Variants in SDK1 observed in about 807,000 individuals in gnomAD.
SDK1 encodes sidekick cell adhesion molecule 1, also known as protein sidekick-1.
Under a neutral mutation model 245.5 loss-of-function variants are expected in SDK1, and 157 were observed. The observed-to-expected ratio is 0.64, with a 90% CI of 0.56 to 0.73. The LOEUF is 0.73. SDK1 is among the 30% of genes least tolerant of loss of function. The probability of loss-of-function intolerance (pLI) is 0.00; values close to 1 mark genes in which losing one functional copy is unlikely to be tolerated. For missense variants in SDK1, 3,583 were observed against 3,002.3 expected, an observed-to-expected ratio of 1.19 and a Z score of -4.52; for synonymous variants, 1,647 against 1,278.5, an observed-to-expected ratio of 1.29 and a Z score of -6.15.
At position 3,613,901 on chromosome 7, in the gene SDK1, C is replaced by T. The variant is rs550455146; in HGVS notation, c.299-5179C>T. 1.6e-4 allele frequency among the ~76,000 whole-genome samples: 24 copies of T among 152,218 alleles called. No homozygotes were observed. The South Asian group carries it at 3.5e-3, about 22-fold the overall frequency. ...AAAACCAAATACCACATGTTCTCCT[C>T]CTATAAGTGGGAGGTAAATGATGAG... On this transcript the variant is annotated intron_variant, in intron 1 of 44. Coordinates refer to ENST00000404826, the MANE Select transcript of SDK1 (RefSeq NM_152744.4).
intron 28 of SDK1, among the ~76,000 whole-genome samples, chr7:4,143,143 C>T (rs1779696028): frequency 6.6e-6 from 1 of 152,166 alleles, no homozygotes; most frequent in African/African-American, 2.4e-5. Flanking sequence ...CATGTCTGTT[C>T]TGGGCCCCTG....
intron 19 of SDK1, among the ~76,000 whole-genome samples, chr7:4,059,369 A>G (rs1779393571): frequency 6.6e-6 from 1 of 152,240 alleles, no homozygotes; most frequent in Admixed American, 6.5e-5. Context: ...TGTAATGATA[A>G]AGTTATGAAT....
chr7:3,981,542 C>G (rs1783405028), intron 13 of SDK1, among the ~76,000 whole-genome samples: 2 of 152,134 alleles, frequency 1.3e-5, no homozygotes, highest in Admixed American at 1.3e-4. Context: ...CCCCAGTTAG[C>G]CAAGCTGTGA....
In SDK1 at chr7:3,849,496, A is replaced by C. The variant is rs73674313; in HGVS notation, c.847+27913A>C. Among the ~76,000 whole-genome samples, 829 of 152,332 alleles carry C rather than the reference A, an allele frequency of 5.4e-3. 7 individuals carry two copies. Among genetic ancestry groups the C allele is most frequent in the African/African-American group, 0.019 (771 of 41,574 alleles). On this transcript the variant is annotated intron_variant, in intron 5 of 44. Transcript: ENST00000404826. ...GGATTTATTAGTCTTTAGGAAGGTA[A>C]TTTTTAAGGAAAATTTGTTTAACCA... is the stretch of plus-strand genomic sequence containing the variant.
intron 34 of SDK1, among the ~76,000 whole-genome samples, chr7:4,177,751 TTTCC>T (rs1251986994): frequency 6.6e-6 from 1 of 152,232 alleles, no homozygotes; most frequent in Non-Finnish European, 1.5e-5. Context: ...GTGTACTTTA[TTTCC>T]ATTATTAGTA....
intron 1 of SDK1, among the ~76,000 whole-genome samples, chr7:3,560,894 C>T (rs536507971): frequency 6.6e-6 from 1 of 152,334 alleles, no homozygotes; most frequent in South Asian, 2.1e-4. Context: ...CTGTTTCCTA[C>T]ACTTCCTTTG....
At chr7:3,693,391 G>T (rs1387857737) in intron 4 of SDK1, among the ~76,000 whole-genome samples, 1 of 152,042 alleles carries the variant, frequency 6.6e-6, no homozygotes, top group Non-Finnish European at 1.5e-5. Flanking sequence ...AATCACAATG[G>T]ACAGTTCAAA....
intron 32 of SDK1, among the ~76,000 whole-genome samples, chr7:4,166,620 A>T (rs1161048290): frequency 6.6e-6 from 1 of 152,188 alleles, no homozygotes; most frequent in Non-Finnish European, 1.5e-5. Context: ...TCCGGAGAGA[A>T]TCCCTGTTCT....
At chr7:3,366,225 T>G (rs888821583) in intron 1 of SDK1, among the ~76,000 whole-genome samples, 1 of 152,212 alleles carries the variant, frequency 6.6e-6, no homozygotes, top group Admixed American at 6.5e-5. Context: ...ATTCTCTGTT[T>G]TCATTCTTCC....
chr7:4,148,128 G>A (rs967812247), intron 29 of SDK1, among the ~76,000 whole-genome samples: 10 of 152,112 alleles, frequency 6.6e-5, no homozygotes, highest in Admixed American at 4.6e-4. Flanking sequence ...CCTTTGAAAC[G>A]GGATACGCTG....
At chr7:4,199,372 C>A (rs1307694114) in intron 35 of SDK1, among the ~76,000 whole-genome samples, 1 of 152,158 alleles carries the variant, frequency 6.6e-6, no homozygotes, top group Non-Finnish European at 1.5e-5. Flanking sequence ...TTTATCATAA[C>A]AGTGGGTGAT....
intron 25 of SDK1, among the ~76,000 whole-genome samples, chr7:4,115,008 C>T (rs1783609462): frequency 6.6e-6 from 1 of 152,206 alleles, no homozygotes; most frequent in African/African-American, 2.4e-5. Context: ...TGTGCTAATG[C>T]TGAAAGTGGC....
intron 1 of SDK1, among the ~76,000 whole-genome samples, chr7:3,347,291 T>C (rs1189148065): frequency 3.3e-5 from 5 of 152,118 alleles, no homozygotes; most frequent in African/African-American, 1.2e-4. Flanking sequence ...TCTTATACTC[T>C]TTTGTATATG....
intron 39 of SDK1, among the ~76,000 whole-genome samples, 176 bp downstream of exon 39, chr7:4,220,446 G>A (rs1002034470): frequency 1.3e-5 from 2 of 151,756 alleles, no homozygotes; most frequent in African/African-American, 4.8e-5. Flanking sequence ...GCGTCAACAT[G>A]GAGTTTGCAG....
At chr7:3,780,864 C>G (rs140982658) in intron 4 of SDK1, among the ~76,000 whole-genome samples, 6 of 152,146 alleles carry the variant, frequency 3.9e-5, no homozygotes, top group Admixed American at 6.5e-5. Flanking sequence ...AGCCAGGAGA[C>G]TCCCAGCTCC....
chr7:3,983,365 T>TC (rs1243110434), intron 13 of SDK1, among the ~76,000 whole-genome samples: 2 of 151,200 alleles, frequency 1.3e-5, no homozygotes, highest in Non-Finnish European at 2.9e-5. Context: ...ATTGCCACAG[T>TC]CCCCCCAGCC....
intron 1 of SDK1, among the ~76,000 whole-genome samples, chr7:3,352,432 A>T (rs1393148903): frequency 4.6e-5 from 7 of 152,252 alleles, no homozygotes; most frequent in African/African-American, 1.4e-4. Flanking sequence ...GTGTGCCACG[A>T]CGAGAGATCT....
intron 1 of SDK1, among the ~76,000 whole-genome samples, chr7:3,398,066 G>A (rs1473580987): frequency 6.6e-6 from 1 of 151,966 alleles, no homozygotes; most frequent in Non-Finnish European, 1.5e-5. Flanking sequence ...TGTTTATCTG[G>A]CTTGTAGGTT....
chr7:3,525,817 T>C (rs1016333572), intron 1 of SDK1, among the ~76,000 whole-genome samples: 2 of 152,260 alleles, frequency 1.3e-5, no homozygotes, highest in Non-Finnish European at 2.9e-5. Context: ...TAAAAAAATA[T>C]CAATTTTAGT....
Sources: allele counts gnomAD v4.1 joint callset (sites outside exome capture counted in the v4.1 genomes callset), GRCh38; gene constraint gnomAD v4.1.1; transcripts MANE v1.5; gene names NCBI Gene and HGNC (gene_info 2026-07-23, HGNC 2026-07-21).